AGK: variants seen among roughly 807,000 people sequenced by gnomAD.
AGK encodes the protein acylglycerol kinase.
AGK carries 52 observed loss-of-function variants against 66.4 expected under a neutral mutation model. The ratio of observed to expected loss-of-function variants is 0.78; its 90% CI spans 0.63 to 0.99. The LOEUF is 0.99. AGK is among the 50% of genes least tolerant of loss of function. AGK has a pLI of 0.00. For missense variants in AGK, 451 were observed against 506.6 expected (o/e 0.89, Z 1.05); for synonymous variants, 182 against 181.1 (o/e 1.00, Z -0.04).
At chr7:141,559,810 T>G (rs575485925) in intron 2 of AGK, among the ~76,000 whole-genome samples, 2 of 152,350 alleles carry the variant, frequency 1.3e-5, no homozygotes, top group Admixed American at 6.5e-5. Context: ...CCTACTTGCT[T>G]AAGTTTATTC....
At chr7:141,606,975 TG>T (rs1190624461) in intron 5 of AGK, among the ~76,000 whole-genome samples, 1 of 152,178 alleles carries the variant, frequency 6.6e-6, no homozygotes, top group Non-Finnish European at 1.5e-5. Context: ...GTTTCTCCAT[TG>T]TGTTTTCATG....
chr7:141,634,141 T>G (rs144279664), intron 10 of AGK, among the ~76,000 whole-genome samples, 161 bp downstream of exon 10: 231 of 152,056 alleles, frequency 1.5e-3, no homozygotes, highest in African/African-American at 5.4e-3. Flanking sequence ...CAGGTAGAGG[T>G]TTATGTCCTA....
rs1387213760 is a variant in AGK, at chr7:141,555,754, T to C, written c.101+187T>C. 6.6e-6 allele frequency among the ~76,000 whole-genome samples: 1 copy of C among 152,264 alleles called. No individual in the cohort carries two copies. Among genetic ancestry groups the C allele is most frequent in the Non-Finnish European group, 1.5e-5 (1 of 68,046 alleles). ...AGAGCTGGAACTACATGCATACTTA[T>C]ATCCAGTGGTTAGAGAATAAAGTAG... On this transcript the variant is annotated intron_variant, in intron 2 of 15. Coordinates refer to ENST00000649286, the MANE Select transcript of AGK (RefSeq NM_018238.4). This position sits in a 1 kb window ranked among gnomAD's most constrained non-coding sequence, Gnocchi z 4.2.
In AGK at chr7:141,555,529, G is replaced by C. The variant is rs779484397; in HGVS notation, c.63G>C (p.Leu21=). The part of the protein sequence containing the change: ...HWKKTTAGLC[L]LTWGGHWLYG... Reference sequence around the variant, plus strand: ...AGAAAACTACAGCTGGGCTCTGCCTGCTGACCTGGGGAGGCCATTGGCTCT... The same window carrying C: ...AGAAAACTACAGCTGGGCTCTGCCTCCTGACCTGGGGAGGCCATTGGCTCT... Residue 21 remains leucine (L), a synonymous_variant, in exon 2 of 16, where the codon CTG becomes CTC. Coordinates refer to ENST00000649286, the MANE Select transcript of AGK (RefSeq NM_018238.4). This position sits in a 1 kb window ranked among gnomAD's most constrained non-coding sequence, Gnocchi z 4.2. 3.7e-6 allele frequency: 6 copies of C among 1,614,068 alleles called. No homozygotes were observed. In the Admixed American group the frequency reaches 1.0e-4, roughly 27 times the overall value.
chr7:141,607,761 C>G (rs1028707798), intron 5 of AGK, among the ~76,000 whole-genome samples: 2 of 151,934 alleles, frequency 1.3e-5, no homozygotes, highest in East Asian at 3.9e-4. Context: ...ACCTTTAGGC[C>G]TATGATCCAT....
chr7:141,571,458 A>C (rs1166480269), intron 2 of AGK, among the ~76,000 whole-genome samples: 1 of 152,210 alleles, frequency 6.6e-6, no homozygotes, highest in East Asian at 1.9e-4. Flanking sequence ...TTTGAGAAGT[A>C]CTGAGTGGAG....
At chr7:141,602,470 A>G (rs1183896972) in intron 5 of AGK, among the ~76,000 whole-genome samples, 1 of 152,118 alleles carries the variant, frequency 6.6e-6, no homozygotes, top group African/African-American at 2.4e-5. Context: ...TTTCAAATTA[A>G]TTGACATCAG....
Position 141,593,145 on chromosome 7 carries a change from G to A in AGK, c.102-1G>A. Reference sequence around the variant, plus strand: ...TTATTCTCTTTTGCTTACTTTGATAGTGATAACCTCCTAAGGAGAGCAGCC... The same window carrying A: ...TTATTCTCTTTTGCTTACTTTGATAATGATAACCTCCTAAGGAGAGCAGCC... On this transcript the variant is annotated splice_acceptor_variant, in intron 2 of 15. Transcript: ENST00000649286. LOFTEE classifies it high-confidence loss of function. 1 of 1,611,012 alleles carries A rather than the reference G, an allele frequency of 6.2e-7. No individual in the cohort carries two copies. Among genetic ancestry groups the A allele is most frequent in the Non-Finnish European group, 8.5e-7 (1 of 1,179,052 alleles).
In AGK at chr7:141,653,089, C is replaced by CT. The variant is rs1294767922; in HGVS notation, c.*166dup. On this transcript the variant is annotated 3_prime_UTR_variant, in exon 16 of 16. Transcript: ENST00000649286. ...CCAGCAGTGCTTCCCAAAGTGTGCT[C>CT]TGTCACCTGCTTTGCAATCGGCTTC... 2.8e-6 allele frequency: 2 copies of CT among 720,858 alleles called. No homozygotes were observed. Among genetic ancestry groups the CT allele is most frequent in the Non-Finnish European group, 4.4e-6 (2 of 451,162 alleles). 44.7% of individuals were successfully genotyped at this position (720,858 alleles called of 1,614,324 possible).
chr7:141,622,918 T>TAA (rs35209238), intron 9 of AGK, among the ~76,000 whole-genome samples: 2 of 143,592 alleles, frequency 1.4e-5, no homozygotes, highest in African/African-American at 5.1e-5. Context: ...GCTGGGCATT[T>TAA]AAAAAAAAAA....
At chr7:141,643,424 C>G (rs1049339644) in intron 13 of AGK, among the ~76,000 whole-genome samples, 2 of 152,114 alleles carry the variant, frequency 1.3e-5, no homozygotes, top group Admixed American at 6.5e-5. Context: ...CAAGGCCTCT[C>G]TAAGCATGAC....
At chr7:141,563,114 T>G (rs1176725495) in intron 2 of AGK, among the ~76,000 whole-genome samples, 7 of 152,242 alleles carry the variant, frequency 4.6e-5, no homozygotes. Flanking sequence ...GTGTGTTGCT[T>G]CTTTCAAAGC....
intron 2 of AGK, among the ~76,000 whole-genome samples, chr7:141,556,694 AT>A (rs1398794533): frequency 1.3e-5 from 2 of 152,054 alleles, no homozygotes; most frequent in African/African-American, 4.8e-5. Context: ...TCTCCCTGGC[AT>A]TTTATTCCTT....
rs190093139 is a variant in AGK, at chr7:141,572,189, G to A, written c.101+16622G>A. ...AATTTTTAAGGGAAGAGAATGTCATGAACAAAGTAGCATTCAAGAAGTTTC... is the reference window on the plus strand; with the variant it reads ...AATTTTTAAGGGAAGAGAATGTCATAAACAAAGTAGCATTCAAGAAGTTTC... On this transcript the variant is annotated intron_variant, in intron 2 of 15. Transcript: ENST00000649286. Among the ~76,000 whole-genome samples the A allele has an allele frequency of 2.6e-5, 4 of 152,308 alleles. No individual in the cohort carries two copies. In the East Asian group the frequency reaches 7.7e-4, roughly 29 times the overall value.
rs972525482 is a variant in AGK at position 141,601,283 on chromosome 7, A to G, written c.297+3A>G. 5.6e-6 allele frequency: 9 copies of G among 1,609,286 alleles called. No individual in the cohort carries two copies. The highest frequency in any genetic ancestry group is 1.7e-5 in the Admixed American group (1 of 59,570). On this transcript the variant is annotated splice_donor_region_variant and intron_variant, in intron 5 of 15. Coordinates refer to ENST00000649286, the MANE Select transcript of AGK (RefSeq NM_018238.4). ...GCATGGATGTGACTATTGTTAAGGT[A>G]AGAATGGCTCCTGAATGTTTATTTC...
At chr7:141,634,263 G>T (rs1008890293) in intron 10 of AGK, among the ~76,000 whole-genome samples, 7 of 152,232 alleles carry the variant, frequency 4.6e-5, no homozygotes, top group Admixed American at 1.3e-4. Context: ...CATAGGTTAG[G>T]CTCAAGCTAG....
intron 3 of AGK, chr7:141,593,397 A>G (rs927048127): frequency 8.5e-6 from 6 of 703,606 alleles, no homozygotes; most frequent in African/African-American, 7.0e-5. Context: ...GCCCACCCCT[A>G]TAGACTGTTT....
intron 6 of AGK, among the ~76,000 whole-genome samples, chr7:141,613,322 T>A (rs2116959205): frequency 6.6e-6 from 1 of 152,314 alleles, no homozygotes; most frequent in African/African-American, 2.4e-5. Context: ...AAGTGATTTA[T>A]AATTGGTTAT....
intron 11 of AGK, among the ~76,000 whole-genome samples, chr7:141,640,412 G>A (rs1405082169): frequency 6.6e-6 from 1 of 152,178 alleles, no homozygotes; most frequent in East Asian, 1.9e-4. Context: ...TGAGTAAGCA[G>A]TGGAGTGAGA....
Sources: allele counts gnomAD v4.1 joint callset (sites outside exome capture counted in the v4.1 genomes callset), GRCh38; gene constraint gnomAD v4.1.1; non-coding constraint Gnocchi (gnomAD v3.1); transcripts MANE v1.5; gene names NCBI Gene and HGNC (gene_info 2026-07-23, HGNC 2026-07-21).